LARGE1: variants seen among roughly 807,000 people sequenced by gnomAD.
The protein encoded by LARGE1 is LARGE xylosyl- and glucuronyltransferase 1.
Under a neutral mutation model 87.6 loss-of-function variants are expected in LARGE1, and 43 were observed. The observed-to-expected ratio is 0.49, with a 90% CI of 0.38 to 0.63. The LOEUF (loss-of-function observed/expected upper bound fraction) is 0.63, where lower values mean the gene tolerates loss of function less well. LARGE1 is among the 30% of genes least tolerant of loss of function. The pLI, the probability that LARGE1 is intolerant of heterozygous loss-of-function variation, is 0.00. For missense variants in LARGE1, 802 were observed against 1,000.2 expected (o/e 0.80, Z 2.67); for synonymous variants, 434 against 394.6 (o/e 1.10, Z -1.18).
Position 33,664,589 on chromosome 22 carries a change from G to A in LARGE1, c.107-13921C>T, listed in dbSNP as rs73882290. Among the ~76,000 whole-genome samples the A allele has an allele frequency of 5.9e-3, 905 of 152,256 alleles. 10 individuals are homozygous for A. Among genetic ancestry groups the A allele is most frequent in the African/African-American group, 0.021 (857 of 41,544 alleles). On this transcript the variant is annotated intron_variant, in intron 2 of 14. Coordinates refer to ENST00000397394, the MANE Select transcript of LARGE1 (RefSeq NM_133642.5). Reference sequence around the variant, plus strand: ...GCCTTTAAAAATGGCTATCAGGGCCGGGCACAGTGGCTCATGCCTGTGATC... The same window carrying A: ...GCCTTTAAAAATGGCTATCAGGGCCAGGCACAGTGGCTCATGCCTGTGATC...
chr22:33,897,651 G>T (rs986003259), intron 1 of LARGE1, among the ~76,000 whole-genome samples: 3 of 152,184 alleles, frequency 2.0e-5, no homozygotes, highest in Non-Finnish European at 2.9e-5. Context: ...GCTTTATTAC[G>T]AGAGTCTAAG....
intron 6 of LARGE1, among the ~76,000 whole-genome samples, chr22:33,432,478 T>C (rs1014649852): frequency 1.3e-5 from 2 of 152,194 alleles, no homozygotes; most frequent in East Asian, 3.8e-4. Flanking sequence ...TTATTTCCAT[T>C]TTATAGAGAA....
At chr22:33,672,292 C>T (rs1239589228) in intron 2 of LARGE1, among the ~76,000 whole-genome samples, 3 of 152,136 alleles carry the variant, frequency 2.0e-5, no homozygotes, top group South Asian at 4.1e-4. Context: ...TCAGAAAAAC[C>T]GAAAATTGCA....
At chr22:33,619,877 G>A (rs1013415673) in intron 4 of LARGE1, among the ~76,000 whole-genome samples, 4 of 152,184 alleles carry the variant, frequency 2.6e-5, no homozygotes, top group Admixed American at 6.5e-5. Context: ...ATACAGACAA[G>A]TATTACATAC....
At chr22:33,855,699 T>TA (rs1461715761) in intron 1 of LARGE1, among the ~76,000 whole-genome samples, 1 of 152,178 alleles carries the variant, frequency 6.6e-6, no homozygotes, top group Non-Finnish European at 1.5e-5. Context: ...ACCAGTATCT[T>TA]AGTTTTCGAA....
chr22:33,497,531 A>G (rs2070198246), intron 6 of LARGE1, among the ~76,000 whole-genome samples: 1 of 152,334 alleles, frequency 6.6e-6, no homozygotes, highest in South Asian at 2.1e-4. Context: ...CAGTGTCTAA[A>G]AAGAGTCTTG....
At chr22:33,431,730 A>G (rs777160293) in intron 7 of LARGE1, among the ~76,000 whole-genome samples, 4 of 152,220 alleles carry the variant, frequency 2.6e-5, no homozygotes, top group Non-Finnish European at 5.9e-5. Flanking sequence ...ATGAATCCTG[A>G]GTACCCACAG....
chr22:33,581,811 CAAAAAAAAAA>C, intron 5 of LARGE1, among the ~76,000 whole-genome samples: 1 of 77,416 alleles, frequency 1.3e-5, no homozygotes, highest in Admixed American at 1.4e-4. Flanking sequence ...AACTCCGTCT[CAAAAAAAAAA>C]AAAAAAAAAA....
chr22:33,175,974 G>C (rs1423747526), intron 11 of LARGE1, among the ~76,000 whole-genome samples: 2 of 152,248 alleles, frequency 1.3e-5, no homozygotes, highest in South Asian at 2.1e-4. Flanking sequence ...CAATGGAACA[G>C]AACAGAGGCT....
chr22:33,630,946 G>A (rs866439643), intron 3 of LARGE1, among the ~76,000 whole-genome samples: 17 of 151,480 alleles, frequency 1.1e-4, no homozygotes, highest in Middle Eastern at 6.8e-3. Flanking sequence ...TCTGCCTCCC[G>A]GGCTCAAGCG....
chr22:33,408,280 A>G (rs190735320), intron 7 of LARGE1, among the ~76,000 whole-genome samples: 24 of 152,302 alleles, frequency 1.6e-4, no homozygotes, highest in African/African-American at 5.8e-4. Flanking sequence ...CACAAAGCCC[A>G]GCCAAAGATA....
At chr22:33,157,689 C>CT (rs1287127051), downstream of LARGE1, among the ~76,000 whole-genome samples, 1 of 152,102 alleles carries the variant, frequency 6.6e-6, no homozygotes, top group Non-Finnish European at 1.5e-5. Flanking sequence ...ACAAATCCTC[C>CT]TTTTTTTGTA....
chr22:33,564,684 A>G (rs1029019358), intron 6 of LARGE1, among the ~76,000 whole-genome samples, 164 bp downstream of exon 6: 1 of 152,224 alleles, frequency 6.6e-6, no homozygotes, highest in African/African-American at 2.4e-5. Flanking sequence ...TTATTTTTCA[A>G]ATCCAAGCAG....
intron 2 of LARGE1, among the ~76,000 whole-genome samples, chr22:33,689,119 C>T (rs535208775): frequency 2.1e-3 from 320 of 151,384 alleles, no homozygotes; most frequent in African/African-American, 6.3e-3. Context: ...GAAATGCGTG[C>T]TACTGCAAGG....
the LARGE1 span, among the ~76,000 whole-genome samples, chr22:33,146,129 G>A: frequency 4.6e-5 from 7 of 152,108 alleles, no homozygotes; most frequent in Non-Finnish European, 1.0e-4. Context: ...AAATATCCTT[G>A]GGACAAATAC....
chr22:33,074,729 T>C, the LARGE1 span, among the ~76,000 whole-genome samples: 1 of 151,956 alleles, frequency 6.6e-6, no homozygotes, highest in Non-Finnish European at 1.5e-5. Context: ...AAAATCATAG[T>C]TCCATAATAA....
intron 9 of LARGE1, among the ~76,000 whole-genome samples, chr22:33,345,160 T>C (rs1939611690): frequency 6.6e-6 from 1 of 152,186 alleles, no homozygotes; most frequent in Admixed American, 6.5e-5. Flanking sequence ...AAAACTTTGC[T>C]TCTGATAGCT....
At chr22:33,115,156 T>C in the LARGE1 span, among the ~76,000 whole-genome samples, 1 of 152,198 alleles carries the variant, frequency 6.6e-6, no homozygotes, top group African/African-American at 2.4e-5. Flanking sequence ...AATTAACATG[T>C]TGAAGTTCTG....
intron 13 of LARGE1, among the ~76,000 whole-genome samples, chr22:33,278,542 A>ATCTCTC (rs369492393): frequency 0.019 from 2,821 of 145,742 alleles, 72 homozygotes; most frequent in African/African-American, 0.06. Flanking sequence ...ACTATTTTAA[A>ATCTCTC]TCTCTCTCTC....
Sources: gnomAD v4.1 joint callset for allele counts (sites outside exome capture counted in the v4.1 genomes callset) on GRCh38, gnomAD v4.1.1 for gene constraint, MANE v1.5 for transcripts, NCBI Gene and HGNC (gene_info 2026-07-23, HGNC 2026-07-21) for gene names.